FUT8: variants seen among roughly 807,000 people sequenced by gnomAD.
FUT8 encodes alpha-(1,6)-fucosyltransferase.
Under a neutral mutation model 71.3 loss-of-function variants are expected in FUT8, and 29 were observed. The ratio of observed to expected loss-of-function variants is 0.41; its 90% CI spans 0.30 to 0.55. The LOEUF (loss-of-function observed/expected upper bound fraction) is 0.55, where lower values mean the gene tolerates loss of function less well. FUT8 is among the 20% of genes least tolerant of loss of function. The pLI, the probability that FUT8 is intolerant of heterozygous loss-of-function variation, is 0.34. For synonymous variants in FUT8, 254 were observed against 239.3 expected, an observed-to-expected ratio of 1.06 and a Z score of -0.57; for missense variants, 544 against 702.1, an observed-to-expected ratio of 0.77 and a Z score of 2.55.
At chr14:65,580,096 G>T (rs962038992) in intron 3 of FUT8, among the ~76,000 whole-genome samples, 7 of 89,444 alleles carry the variant, frequency 7.8e-5, no homozygotes, top group South Asian at 7.3e-4. Context: ...ATATAGTCAT[G>T]CATTGCTTAA....
chr14:65,663,612 G>C (rs538967398), intron 6 of FUT8, among the ~76,000 whole-genome samples: 48 of 152,176 alleles, frequency 3.2e-4, no homozygotes, highest in Non-Finnish European at 6.0e-4. Flanking sequence ...CACCCTTCAA[G>C]TCTTCCATTG....
At chr14:65,738,724 C>T (rs1214178334) in intron 10 of FUT8, among the ~76,000 whole-genome samples, 1 of 152,052 alleles carries the variant, frequency 6.6e-6, no homozygotes, top group Non-Finnish European at 1.5e-5. Flanking sequence ...CATAGAGTGA[C>T]TAAATGCGAA....
At chr14:65,440,778 A>G (rs911859633) in intron 1 of FUT8, among the ~76,000 whole-genome samples, 1 of 152,198 alleles carries the variant, frequency 6.6e-6, no homozygotes, top group Non-Finnish European at 1.5e-5. Context: ...AGTCACAAGT[A>G]TTAGTGAGAA....
chr14:65,547,485 G>A (rs1885046431), intron 2 of FUT8, among the ~76,000 whole-genome samples: 1 of 151,318 alleles, frequency 6.6e-6, no homozygotes, highest in African/African-American at 2.4e-5. Context: ...AATGAGGAGG[G>A]GGCAGGGTGG....
At chr14:65,692,482 G>T (rs1893700319) in intron 7 of FUT8, among the ~76,000 whole-genome samples, 1 of 98,898 alleles carries the variant, frequency 1.0e-5, no homozygotes, top group Non-Finnish European at 2.3e-5. Context: ...CCTCCCAGAC[G>T]GGGCGGCTGG....
intron 7 of FUT8, among the ~76,000 whole-genome samples, chr14:65,712,425 T>C (rs1215178732): frequency 6.6e-6 from 1 of 152,202 alleles, no homozygotes; most frequent in Non-Finnish European, 1.5e-5. Context: ...AAATACAGTT[T>C]TTTTGTTGTG....
chr14:65,375,417 G>C, the FUT8 span, among the ~76,000 whole-genome samples: 1 of 152,048 alleles, frequency 6.6e-6, no homozygotes, highest in South Asian at 2.1e-4. Context: ...CCAGGAGTTT[G>C]AGATCAGGCT....
At chr14:65,463,915 T>C (rs921292863) in intron 2 of FUT8, among the ~76,000 whole-genome samples, 2 of 152,250 alleles carry the variant, frequency 1.3e-5, no homozygotes, top group Non-Finnish European at 1.5e-5. Context: ...GTCTTCACTT[T>C]CCATGTTGTG....
intron 2 of FUT8, among the ~76,000 whole-genome samples, chr14:65,480,929 A>T (rs2066321301): frequency 6.6e-6 from 1 of 152,062 alleles, no homozygotes; most frequent in Admixed American, 6.6e-5. Flanking sequence ...ACCTCAAGTG[A>T]TCTGCCTGCC....
chr14:65,690,600 T>G (rs1893525381), intron 7 of FUT8, among the ~76,000 whole-genome samples: 1 of 152,110 alleles, frequency 6.6e-6, no homozygotes, highest in African/African-American at 2.4e-5. Context: ...TAATGTATTT[T>G]ATTAGACTTT....
rs536985931 is a variant in FUT8 at position 65,730,611 on chromosome 14, G to T, written c.1260-2620G>T. On this transcript the variant is annotated intron_variant, in intron 9 of 10. Coordinates refer to ENST00000673929, the MANE Select transcript of FUT8 (RefSeq NM_001371533.1). ...GATGTGAACCCGGGAGGCGGAGGTTGCAGTGAGCCAAGATCGCACCACTGC... is the reference window on the plus strand; with the variant it reads ...GATGTGAACCCGGGAGGCGGAGGTTTCAGTGAGCCAAGATCGCACCACTGC... Among the ~76,000 whole-genome samples, 6 of 152,232 alleles carry T rather than the reference G, an allele frequency of 3.9e-5. No individual in the cohort carries two copies. In the South Asian group the frequency reaches 1.2e-3, roughly 32 times the overall value.
At position 65,724,230 on chromosome 14, in the gene FUT8, A is replaced by G. The variant is rs1384350665; in HGVS notation, c.1166A>G (p.His389Arg). 3 of 1,613,662 alleles carry G rather than the reference A, an allele frequency of 1.9e-6. No individual in the cohort carries two copies. Among genetic ancestry groups the G allele is most frequent in the Non-Finnish European group, 2.5e-6 (3 of 1,179,858 alleles). The change falls in exon 9 of 11, where the codon CAT becomes CGT. Residue 389 changes from histidine (H) to arginine (R), a missense_variant. Physicochemically the swap from His to Arg is conservative, Grantham distance 29. Coordinates refer to ENST00000673929, the MANE Select transcript of FUT8 (RefSeq NM_001371533.1). ...IEEYMVHVEEHFQLLARRMQV... is the reference protein window; with the variant it reads ...IEEYMVHVEERFQLLARRMQV... ...GAGTACATGGTGCATGTTGAAGAACATTTTCAGCTTCTTGCACGCAGAATG... is the reference window on the plus strand; with the variant it reads ...GAGTACATGGTGCATGTTGAAGAACGTTTTCAGCTTCTTGCACGCAGAATG...
chr14:65,563,098 A>C (rs1254242609), intron 3 of FUT8, among the ~76,000 whole-genome samples: 2 of 152,096 alleles, frequency 1.3e-5, no homozygotes, highest in African/African-American at 4.8e-5. Flanking sequence ...CCATTCAAGA[A>C]GATAGCAAGC....
chr14:65,398,007 A>G, the FUT8 span, among the ~76,000 whole-genome samples: 7 of 152,218 alleles, frequency 4.6e-5, no homozygotes, highest in African/African-American at 1.4e-4. Context: ...TGTTTATTCA[A>G]TTTTCATTTT....
intron 7 of FUT8, among the ~76,000 whole-genome samples, chr14:65,677,248 T>C (rs1377001563): frequency 6.6e-6 from 1 of 151,698 alleles, no homozygotes; most frequent in Non-Finnish European, 1.5e-5. Flanking sequence ...TAGCAGAAGG[T>C]CAAAAGCAGA....
At chr14:65,629,456 G>A (rs771107220) in intron 5 of FUT8, 36 bp from the exon 6 acceptor site, 3 of 1,368,134 alleles carry the variant, frequency 2.2e-6, no homozygotes, top group Non-Finnish European at 3.1e-6. Flanking sequence ...AAGCAGTACA[G>A]ACAAGTTCGA....
At chr14:65,602,831 G>T (rs990802697) in intron 3 of FUT8, among the ~76,000 whole-genome samples, 1 of 151,812 alleles carries the variant, frequency 6.6e-6, no homozygotes, top group African/African-American at 2.4e-5. Context: ...TTTGAGAATT[G>T]TCTTATTCAT....
rs1184673691 is a variant in FUT8 at position 65,660,668 on chromosome 14, G to C, written c.598-8575G>C. 6.6e-6 allele frequency among the ~76,000 whole-genome samples: 1 copy of C among 152,150 alleles called. No homozygotes were observed. The highest frequency in any genetic ancestry group is 2.4e-5 in the African/African-American group (1 of 41,440). On this transcript the variant is annotated intron_variant, in intron 6 of 10. Transcript: ENST00000673929. This position sits in a 1 kb window ranked among gnomAD's most constrained non-coding sequence, Gnocchi z 4.1. Reference sequence around the variant, plus strand: ...TGTTCTTTGCTAGAGGGGTGGAAAGGATGCCTTAGTACAGTCTTAACTTTG... The same window carrying C: ...TGTTCTTTGCTAGAGGGGTGGAAAGCATGCCTTAGTACAGTCTTAACTTTG...
At chr14:65,389,001 CA>C in the FUT8 span, among the ~76,000 whole-genome samples, 1 of 150,154 alleles carries the variant, frequency 6.7e-6, no homozygotes, top group African/African-American at 2.4e-5. Context: ...TAAATGAATA[CA>C]TACATATTTA....
Sources: gnomAD v4.1 joint callset for allele counts (sites outside exome capture counted in the v4.1 genomes callset) on GRCh38, gnomAD v4.1.1 for gene constraint, Gnocchi (gnomAD v3.1) non-coding constraint, MANE v1.5 for transcripts, NCBI Gene and HGNC (gene_info 2026-07-23, HGNC 2026-07-21) for gene names.